SLC39A5: variants seen among roughly 807,000 people sequenced by gnomAD.
SLC39A5 encodes the protein solute carrier family 39 member 5.
A neutral mutation model predicts 46.9 loss-of-function variants in SLC39A5; 42 were observed. That is an observed-to-expected ratio of 0.90 (90% CI 0.70 to 1.16). The LOEUF is 1.16. Among genes scored for constraint, SLC39A5 ranks in the 50% most tolerant of loss-of-function variants. The probability of loss-of-function intolerance (pLI) is 0.00; values close to 1 mark genes in which losing one functional copy is unlikely to be tolerated. For missense variants in SLC39A5, 677 were observed against 686.8 expected, an observed-to-expected ratio of 0.99 and a Z score of 0.16; for synonymous variants, 311 against 323.1, an observed-to-expected ratio of 0.96 and a Z score of 0.40.
In SLC39A5 at chr12:56,231,102, G is replaced by A. The variant is rs553509588; in HGVS notation, c.-71-102G>A. 7.8e-6 allele frequency: 5 copies of A among 641,246 alleles called. No homozygotes were observed. The East Asian group carries it at 1.1e-4, about 15-fold the overall frequency. The allele number at this position is 641,246 out of a possible 1,614,324, so 39.7% of individuals were successfully genotyped here. On this transcript the variant is annotated intron_variant, in intron 3 of 12. Transcript: ENST00000454355. The stretch of plus-strand genomic sequence containing the variant: ...GAGAAAGAAGGCTGCAGTAGGGGCT[G>A]CTGCTGGACTCGGTGGGGAGCAGGT...
At chr12:56,234,159 T>TA (rs1354925919) in intron 5 of SLC39A5, among the ~76,000 whole-genome samples, 2 of 149,834 alleles carry the variant, frequency 1.3e-5, no homozygotes, top group African/African-American at 2.5e-5. Flanking sequence ...TATATATATA[T>TA]TTTTTTGAGG....
At chr12:56,235,398 T>A in intron 7 of SLC39A5, 72 bp downstream of exon 7, 1 of 1,504,432 alleles carries the variant, frequency 6.6e-7, no homozygotes, top group Non-Finnish European at 8.8e-7. Context: ...GGACATCCCC[T>A]CCGCCTTTCC....
intron 11 of SLC39A5, 29 bp from the exon 12 acceptor site, chr12:56,237,121 C>T: frequency 6.2e-7 from 1 of 1,613,396 alleles, no homozygotes; most frequent in South Asian, 1.1e-5. Flanking sequence ...CAGCTTACTC[C>T]CTCCCATCCT....
At position 56,236,927 on chromosome 12, in the gene SLC39A5, C is replaced by T. The variant is rs370112874; in HGVS notation, c.1208-4C>T. 33 of 1,613,960 alleles carry T rather than the reference C, an allele frequency of 2.0e-5. No individual in the cohort carries two copies. The highest frequency in any genetic ancestry group is 2.7e-5 in the Non-Finnish European group (32 of 1,179,946). Reference sequence around the variant, plus strand: ...CTGACAACTTCCGACCCTGCTGGCCCCAGGTGCTGCCTTCTCTGATGGCTT... The same window carrying T: ...CTGACAACTTCCGACCCTGCTGGCCTCAGGTGCTGCCTTCTCTGATGGCTT... On this transcript the variant is annotated splice_polypyrimidine_tract_variant and splice_region_variant and intron_variant, in intron 10 of 12. Transcript: ENST00000454355.
intron 5 of SLC39A5, among the ~76,000 whole-genome samples, chr12:56,234,043 A>G (rs546850076): frequency 1.3e-5 from 2 of 152,304 alleles, no homozygotes; most frequent in South Asian, 2.1e-4. Flanking sequence ...CACATTGATT[A>G]TAAGTACCCT....
At position 56,237,286 on chromosome 12, in the gene SLC39A5, C is replaced by T. The variant is rs372580129; in HGVS notation, c.1425C>T (p.Pro475=). 5.6e-6 allele frequency: 9 copies of T among 1,613,138 alleles called. No individual in the cohort carries two copies. Among genetic ancestry groups the T allele is most frequent in the Non-Finnish European group, 7.6e-6 (9 of 1,179,488 alleles). The part of the protein sequence containing the change: ...GLSLGPVPLT[P]WVFGVTAGVF... ...GCCTGGGCCCTGTCCCCCTCACTCC[C>T]TGGGTGTTTGGGGTCACTGCTGGGG... The change falls in exon 12 of 13, where the codon CCC becomes CCT. Residue 475 remains proline, a synonymous_variant. Transcript: ENST00000454355.
chr12:56,235,579 C>G lies in SLC39A5; in HGVS notation c.824C>G (p.Ala275Gly). The change falls in exon 8 of 13, where the codon GCA (alanine) becomes GGA (glycine). Residue 275 changes from alanine to glycine, a missense_variant. Physicochemically the swap from Ala to Gly is moderately conservative, Grantham distance 60. Transcript: ENST00000454355. ...TGTCAGGCACAAGAAGGGCGGCACG[C>G]AGGACCTGGCGGACTACCAGAGAAG... ...LLPHAQEGRH[A>G]GPGGLPEKDL... The G allele has an allele frequency of 6.2e-7, 1 of 1,614,080 alleles. No individual in the cohort carries two copies. Among genetic ancestry groups the G allele is most frequent in the Non-Finnish European group, 8.5e-7 (1 of 1,180,032 alleles).
Position 56,237,335 on chromosome 12 carries a change from G to T in SLC39A5, c.1474G>T (p.Asp492Tyr). The T allele has an allele frequency of 6.3e-7, 1 of 1,589,620 alleles. No homozygotes were observed. The highest frequency in any genetic ancestry group is 1.1e-5 in the South Asian group (1 of 87,284). ...GGTCTTCCTCTATGTGGCCCTTGTGGACATGGTGAGAGATGTCGGGTAGAG... is the reference window on the plus strand; with the variant it reads ...GGTCTTCCTCTATGTGGCCCTTGTGTACATGGTGAGAGATGTCGGGTAGAG... ...AGVFLYVALV[D>Y]MLPALLRPPE... is the part of the protein sequence containing the mutation. Residue 492 changes from aspartate (D) to tyrosine (Y), a missense_variant, in exon 12 of 13, where the codon GAC (aspartate) becomes TAC (tyrosine). Asp to Tyr is a radical substitution (Grantham distance 160). Coordinates refer to ENST00000454355, the MANE Select transcript of SLC39A5 (RefSeq NM_173596.3).
chr12:56,234,078 C>A (rs1171142003), intron 5 of SLC39A5, among the ~76,000 whole-genome samples: 1 of 151,968 alleles, frequency 6.6e-6, no homozygotes, highest in Non-Finnish European at 1.5e-5. Context: ...AAGGTACCTG[C>A]CAGTAGGAGC....
At position 56,237,499 on chromosome 12, in the gene SLC39A5, G is replaced by C. The variant is rs1870933947; in HGVS notation, c.1480-89G>C. ...AAACAAGGGACTAAGGTGTTTGGGT[G>C]GGGGCTGCTGATGCTTTCTGACACC... On this transcript the variant is annotated intron_variant, in intron 12 of 12. Coordinates refer to ENST00000454355, the MANE Select transcript of SLC39A5 (RefSeq NM_173596.3). The C allele has an allele frequency of 1.9e-6, 3 of 1,588,792 alleles. No individual in the cohort carries two copies. In the South Asian group the frequency reaches 3.4e-5, roughly 18 times the overall value.
In SLC39A5 at chr12:56,234,893, T is replaced by G; in HGVS notation, c.541T>G (p.Phe181Val). Residue 181 changes from phenylalanine (F) to valine (V), a missense_variant, in exon 6 of 13, where the codon TTT (phenylalanine) becomes GTT (valine). Physicochemically the swap from Phe to Val is conservative, Grantham distance 50. Coordinates refer to ENST00000454355, the MANE Select transcript of SLC39A5 (RefSeq NM_173596.3). Reference protein sequence around the residue: ...SPAAPLTPRQFALLCPALLYQ... With the variant: ...SPAAPLTPRQVALLCPALLYQ... The stretch of plus-strand genomic sequence containing the variant: ...CGCTGCTCCTCTGACCCCTCGTCAG[T>G]TTGCTCTGCTGTGCCCAGCCCTGCT... 2.5e-6 allele frequency: 4 copies of G among 1,613,898 alleles called. No individual in the cohort carries two copies. The highest frequency in any genetic ancestry group is 3.4e-6 in the Non-Finnish European group (4 of 1,180,032).
rs1274497 is a variant in SLC39A5 at position 56,231,261 on chromosome 12, T to C, written c.-14T>C. ...GGAGCCAGAACCTGAGCCCCTAAGC[T>C]ATTCCCCTCACCAATGATGGGGTCC... On this transcript the variant is annotated 5_prime_UTR_variant, in exon 4 of 13. Coordinates refer to ENST00000454355, the MANE Select transcript of SLC39A5 (RefSeq NM_173596.3). 1,583,719 of 1,587,226 alleles carry C rather than the reference T, an allele frequency of 1. 790,145 individuals are homozygous for C. Among genetic ancestry groups the C allele is most frequent in the East Asian group, 1 (44,560 of 44,560 alleles).
chr12:56,237,388 G>C, intron 12 of SLC39A5, 48 bp downstream of exon 12: 1 of 1,550,460 alleles, frequency 6.4e-7, no homozygotes, highest in Non-Finnish European at 8.7e-7. Context: ...GTGGGGAGGC[G>C]GGAGTGGAGA....
At chr12:56,232,042 T>C (rs762195239) in intron 4 of SLC39A5, among the ~76,000 whole-genome samples, 7 of 152,004 alleles carry the variant, frequency 4.6e-5, no homozygotes, top group Non-Finnish European at 1.0e-4. Context: ...TCCGTTGCCT[T>C]CTAATTCTCT....
intron 5 of SLC39A5, 54 bp from the exon 6 acceptor site, chr12:56,234,770 G>T: frequency 6.2e-7 from 1 of 1,600,050 alleles, no homozygotes; most frequent in South Asian, 1.1e-5. Context: ...AGGTGTTAAA[G>T]ATCTGAGTCA....
At chr12:56,233,247 A>G (rs1870404119) in intron 5 of SLC39A5, among the ~76,000 whole-genome samples, 1 of 138,344 alleles carries the variant, frequency 7.2e-6, no homozygotes, top group Non-Finnish European at 1.5e-5. Context: ...CTGGGCAACA[A>G]GAGGGAGACT....
rs769800831 is a variant in SLC39A5, at chr12:56,232,848, A to G, written c.447A>G (p.Ser149=). 8 of 1,612,096 alleles carry G rather than the reference A, an allele frequency of 5.0e-6. No individual in the cohort carries two copies. In the Admixed American group the frequency reaches 1.2e-4, roughly 24 times the overall value. ...LLHRLLLLDH[S]LADHLNEDCL... The stretch of plus-strand genomic sequence containing the variant: ...ACAGGCTTCTGTTGCTGGACCACTC[A>G]TTGGCTGACCACCTGAATGAGGATG... Residue 149 remains serine (S), a synonymous_variant, in exon 5 of 13, where the codon TCA becomes TCG. Transcript: ENST00000454355.
At chr12:56,234,241 G>C (rs2135854884) in intron 5 of SLC39A5, among the ~76,000 whole-genome samples, 1 of 151,956 alleles carries the variant, frequency 6.6e-6, no homozygotes, top group East Asian at 1.9e-4. Context: ...TCCACCTCCT[G>C]GGTTAAAGCA....
intron 3 of SLC39A5, 118 bp from the exon 4 acceptor site, chr12:56,231,085 AG>A (rs1269947396): frequency 1.0e-5 from 6 of 573,686 alleles, no homozygotes; most frequent in Non-Finnish European, 3.0e-6. Context: ...GGGAGAAAGA[AG>A]GCTGCAGTAG....
Sources: gnomAD v4.1 joint callset for allele counts (sites outside exome capture counted in the v4.1 genomes callset) on GRCh38, gnomAD v4.1.1 for gene constraint, MANE v1.5 for transcripts, NCBI Gene and HGNC (gene_info 2026-07-23, HGNC 2026-07-21) for gene names.